EDIL3: variants seen among roughly 807,000 people sequenced by gnomAD.
EDIL3 encodes the protein EGF-like repeat and discoidin I-like domain-containing protein 3.
EDIL3 carries 37 observed loss-of-function variants against 67.4 expected under a neutral mutation model. That is an observed-to-expected ratio of 0.55 (90% confidence interval 0.42 to 0.72). The LOEUF is 0.72. Ranked by LOEUF, EDIL3 falls within the 30% of genes least tolerant of loss-of-function variation. The probability of loss-of-function intolerance (pLI) is 0.00; values close to 1 mark genes in which losing one functional copy is unlikely to be tolerated. For missense variants in EDIL3, 527 were observed against 586.3 expected (o/e 0.90, Z 1.04); for synonymous variants, 195 against 196.3 (o/e 0.99, Z 0.05).
In EDIL3 at chr5:84,384,462, A is replaced by G; in HGVS notation, c.-88T>C. On this transcript the variant is annotated 5_prime_UTR_variant, in exon 1 of 11. Transcript: ENST00000296591. ...AGGTGGCAGCGCAGGGCAGCAGCAG[A>G]CTCCGCCCCTACTAAAGAATTCAAG... 7.9e-7 allele frequency: 1 copy of G among 1,269,924 alleles called. No individual in the cohort carries two copies. The highest frequency in any genetic ancestry group is 1.3e-5 in the South Asian group (1 of 79,974). The allele number at this position is 1,269,924 out of a possible 1,614,324, so 78.7% of individuals were successfully genotyped here.
intron 2 of EDIL3, among the ~76,000 whole-genome samples, chr5:84,233,731 C>T (rs1331688311): frequency 3.3e-5 from 5 of 151,898 alleles, no homozygotes; most frequent in South Asian, 4.1e-4. Flanking sequence ...GGGAGAGGCT[C>T]TTGGAAAAAA....
Position 84,137,233 on chromosome 5 carries a change from A to G in EDIL3, c.469+8T>C. Reference sequence around the variant, plus strand: ...CACACACACACATACACACACGTGAATACTTACTGTATTGACAATTTCTTC... The same window carrying G: ...CACACACACACATACACACACGTGAGTACTTACTGTATTGACAATTTCTTC... On this transcript the variant is annotated splice_region_variant and intron_variant, in intron 5 of 10. Transcript: ENST00000296591. 1.9e-6 allele frequency: 3 copies of G among 1,600,446 alleles called. No individual in the cohort carries two copies. Among genetic ancestry groups the G allele is most frequent in the Non-Finnish European group, 2.6e-6 (3 of 1,169,288 alleles).
intron 3 of EDIL3, among the ~76,000 whole-genome samples, chr5:84,208,574 G>A (rs1474901347): frequency 2.6e-5 from 4 of 150,996 alleles, no homozygotes; most frequent in African/African-American, 9.7e-5. Context: ...AGCTACTCGG[G>A]AGGCTGAGGC....
chr5:84,316,849 C>CAT (rs1746524730), intron 1 of EDIL3, among the ~76,000 whole-genome samples: 1 of 152,146 alleles, frequency 6.6e-6, no homozygotes, highest in Non-Finnish European at 1.5e-5. Flanking sequence ...AAACTGACCA[C>CAT]ATAATTGGAA....
intron 6 of EDIL3, among the ~76,000 whole-genome samples, chr5:84,098,584 G>A (rs921710017): frequency 6.6e-6 from 1 of 151,972 alleles, no homozygotes. Context: ...AGTAATTACT[G>A]AATAACAATG....
chr5:83,993,028 C>A (rs1745177381), intron 9 of EDIL3, among the ~76,000 whole-genome samples: 1 of 152,028 alleles, frequency 6.6e-6, no homozygotes, highest in African/African-American at 2.4e-5. Flanking sequence ...GAGGAAGATT[C>A]AACTTACCTA....
At chr5:84,029,150 T>C (rs1745872629) in intron 9 of EDIL3, among the ~76,000 whole-genome samples, 1 of 152,014 alleles carries the variant, frequency 6.6e-6, no homozygotes. Flanking sequence ...CCAGCTACTC[T>C]GGAGGCTGAA....
In EDIL3 at chr5:84,006,707, T is replaced by C. The variant is rs531403643; in HGVS notation, c.1138-43347A>G. On this transcript the variant is annotated intron_variant, in intron 9 of 10. Transcript: ENST00000296591. ...TATCTATGGAACAAACCTAAACAGG[T>C]AACACCTGAACCTAAAATAAAAGTT... is the stretch of plus-strand genomic sequence containing the variant. Among the ~76,000 whole-genome samples, 10 of 152,242 alleles carry C rather than the reference T, an allele frequency of 6.6e-5. No individual in the cohort carries two copies. In the East Asian group the frequency reaches 1.7e-3, roughly 26 times the overall value.
intron 9 of EDIL3, among the ~76,000 whole-genome samples, chr5:84,055,110 G>C (rs559723546): frequency 6.9e-6 from 1 of 145,984 alleles, no homozygotes; most frequent in South Asian, 2.2e-4. Flanking sequence ...CCAAAACAGA[G>C]ATACCGACCA....
chr5:84,300,098 T>G (rs1269170482), intron 1 of EDIL3, among the ~76,000 whole-genome samples: 1 of 152,252 alleles, frequency 6.6e-6, no homozygotes, highest in East Asian at 1.9e-4. Flanking sequence ...GGCACAGTAC[T>G]CACTGGATTA....
chr5:84,082,179 G>A (rs1746982602), intron 6 of EDIL3, among the ~76,000 whole-genome samples: 1 of 152,154 alleles, frequency 6.6e-6, no homozygotes, highest in Non-Finnish European at 1.5e-5. Context: ...CAGTTTCCAA[G>A]TTTTGCTATG....
At chr5:84,046,480 C>A (rs1358230375) in intron 9 of EDIL3, among the ~76,000 whole-genome samples, 1 of 152,150 alleles carries the variant, frequency 6.6e-6, no homozygotes, top group Non-Finnish European at 1.5e-5. Flanking sequence ...CCCTTTAGAC[C>A]ACTGACTGGC....
chr5:84,151,248 TACACACACACGCACATAC>T (rs1360346536), intron 4 of EDIL3, among the ~76,000 whole-genome samples: 38 of 145,824 alleles, frequency 2.6e-4, no homozygotes, highest in Admixed American at 6.9e-4. Flanking sequence ...AAGAACTGCA[TACACACACACGCACATAC>T]ACACACACAC....
chr5:84,195,323 C>A (rs1485865501), intron 3 of EDIL3, among the ~76,000 whole-genome samples: 1 of 151,904 alleles, frequency 6.6e-6, no homozygotes, highest in East Asian at 1.9e-4. Flanking sequence ...AGTTATTATG[C>A]TACTTAAATA....
At chr5:84,049,503 G>C (rs1046641335) in intron 9 of EDIL3, among the ~76,000 whole-genome samples, 2 of 152,124 alleles carry the variant, frequency 1.3e-5, no homozygotes, top group Non-Finnish European at 2.9e-5. Flanking sequence ...GAAGCTAATA[G>C]TCTTAACCTA....
intron 5 of EDIL3, among the ~76,000 whole-genome samples, chr5:84,109,872 C>T (rs1244143836): frequency 6.6e-6 from 1 of 152,026 alleles, no homozygotes; most frequent in African/African-American, 2.4e-5. Context: ...CTGCATTTTC[C>T]TACTTTTTAA....
intron 3 of EDIL3, among the ~76,000 whole-genome samples, chr5:84,190,367 A>G (rs1743554126): frequency 6.6e-6 from 1 of 151,920 alleles, no homozygotes; most frequent in Admixed American, 6.6e-5. Flanking sequence ...AGAACTCACA[A>G]GCCATTCATT....
intron 9 of EDIL3, among the ~76,000 whole-genome samples, chr5:83,966,036 C>A (rs912633297): frequency 6.6e-6 from 1 of 152,056 alleles, no homozygotes; most frequent in Non-Finnish European, 1.5e-5. Context: ...TAGAATGATT[C>A]TAGAAAAGCC....
intron 9 of EDIL3, among the ~76,000 whole-genome samples, chr5:83,990,485 CAA>C (rs555170904): frequency 1.3e-4 from 13 of 99,234 alleles, no homozygotes; most frequent in Non-Finnish European, 1.6e-4. Context: ...GACTCCATCA[CAA>C]AAAAAAAAAA....
Sources: gnomAD v4.1 joint callset for allele counts (sites outside exome capture counted in the v4.1 genomes callset) on GRCh38, gnomAD v4.1.1 for gene constraint, MANE v1.5 for transcripts, NCBI Gene and HGNC (gene_info 2026-07-23, HGNC 2026-07-21) for gene names.